Variants in SUGCT observed in about 807,000 individuals in gnomAD.
The protein encoded by SUGCT is succinyl-CoA:glutarate-CoA transferase, also known as succinyl-CoA:glutarate CoA-transferase.
Under a neutral mutation model 55.0 loss-of-function variants are expected in SUGCT, and 41 were observed. The ratio of observed to expected loss-of-function variants is 0.74; its 90% CI spans 0.58 to 0.97. SUGCT has a LOEUF of 0.97. SUGCT is among the 50% of genes least tolerant of loss of function. The probability of loss-of-function intolerance (pLI) is 0.00; values close to 1 mark genes in which losing one functional copy is unlikely to be tolerated. For missense variants in SUGCT, 568 were observed against 547.8 expected (o/e 1.04, Z -0.37); for synonymous variants, 187 against 200.4 (o/e 0.93, Z 0.56).
At chr7:41,009,285 A>T in the SUGCT span, among the ~76,000 whole-genome samples, 1 of 152,044 alleles carries the variant, frequency 6.6e-6, no homozygotes, top group Non-Finnish European at 1.5e-5. Flanking sequence ...ACAGTCTATG[A>T]ATCTATGTTA....
the SUGCT span, among the ~76,000 whole-genome samples, chr7:40,895,683 G>T: frequency 6.6e-6 from 1 of 151,850 alleles, no homozygotes; most frequent in African/African-American, 2.4e-5. Flanking sequence ...AGACATAAAA[G>T]AAAATCGAAA....
chr7:40,751,991 T>A (rs537850793), intron 13 of SUGCT, among the ~76,000 whole-genome samples: 1 of 152,358 alleles, frequency 6.6e-6, no homozygotes, highest in East Asian at 1.9e-4. Context: ...ATATTTCTTT[T>A]GCCCACTTTA....
rs557494112 is a variant in SUGCT, at chr7:40,431,786, C to T, written c.817-17501C>T. On this transcript the variant is annotated intron_variant, in intron 9 of 13. Coordinates refer to ENST00000335693, the MANE Select transcript of SUGCT (RefSeq NM_001193313.2). ...TATTTAGATATTTTATTTTTTATGC[C>T]GTCATAAATGGGATTTTTAAAAATG... Among the ~76,000 whole-genome samples, 6 of 151,854 alleles carry T rather than the reference C, an allele frequency of 4.0e-5. No individual in the cohort carries two copies. In the East Asian group the frequency reaches 5.8e-4, roughly 15 times the overall value.
intron 12 of SUGCT, among the ~76,000 whole-genome samples, chr7:40,626,832 T>C (rs1265711032): frequency 6.6e-6 from 1 of 152,146 alleles, no homozygotes; most frequent in African/African-American, 2.4e-5. Flanking sequence ...TCTAGCTCAG[T>C]GCTTGGCACA....
intron 13 of SUGCT, among the ~76,000 whole-genome samples, chr7:40,764,990 A>G (rs111363565): frequency 0.014 from 2,134 of 152,270 alleles, 44 homozygotes; most frequent in African/African-American, 0.048. Flanking sequence ...AGAATGGTAT[A>G]GTGGGGTTTC....
chr7:40,520,166 C>T (rs1386727680), intron 12 of SUGCT, among the ~76,000 whole-genome samples: 1 of 152,160 alleles, frequency 6.6e-6, no homozygotes, highest in Non-Finnish European at 1.5e-5. Context: ...CATACTAATA[C>T]CAAGTTTCTT....
intron 12 of SUGCT, among the ~76,000 whole-genome samples, chr7:40,716,367 A>T (rs1347974633): frequency 6.6e-6 from 1 of 152,224 alleles, no homozygotes; most frequent in Non-Finnish European, 1.5e-5. Context: ...CAAATGGCTG[A>T]TTGATGTTTA....
chr7:40,733,408 C>A (rs1786997448), intron 12 of SUGCT, among the ~76,000 whole-genome samples: 1 of 152,180 alleles, frequency 6.6e-6, no homozygotes, highest in African/African-American at 2.4e-5. Flanking sequence ...AATCTCCTGG[C>A]CTAGAGCAAA....
chr7:40,398,773 G>A (rs1785897182), intron 9 of SUGCT, among the ~76,000 whole-genome samples: 1 of 152,046 alleles, frequency 6.6e-6, no homozygotes, highest in Non-Finnish European at 1.5e-5. Context: ...TATTTAGCAT[G>A]ATTTTGGAGA....
chr7:40,163,382 G>C lies in SUGCT; in HGVS notation c.101-17565G>C, dbSNP rs375953522. Among the ~76,000 whole-genome samples, 63 of 152,270 alleles carry C rather than the reference G, an allele frequency of 4.1e-4. No individual in the cohort carries two copies. The South Asian group carries it at 9.3e-3, about 23-fold the overall frequency. Reference sequence around the variant, plus strand: ...GCACTTTGGGAGGTCGAGGTGGGCAGATTACAAGGTCAGGAGATCAAGACC... The same window carrying C: ...GCACTTTGGGAGGTCGAGGTGGGCACATTACAAGGTCAGGAGATCAAGACC... On this transcript the variant is annotated intron_variant, in intron 1 of 13. Coordinates refer to ENST00000335693, the MANE Select transcript of SUGCT (RefSeq NM_001193313.2).
intron 13 of SUGCT, among the ~76,000 whole-genome samples, chr7:40,775,947 C>G (rs939886056): frequency 2.6e-5 from 4 of 152,144 alleles, no homozygotes; most frequent in Non-Finnish European, 5.9e-5. Flanking sequence ...TCTAAAGAAT[C>G]TATTCTGTTA....
chr7:40,207,643 C>T (rs909615211), intron 6 of SUGCT, among the ~76,000 whole-genome samples: 1 of 152,016 alleles, frequency 6.6e-6, no homozygotes, highest in Non-Finnish European at 1.5e-5. Context: ...ATGGTGAAAT[C>T]CTGTCTCTAC....
At chr7:40,767,906 A>G (rs996325225) in intron 13 of SUGCT, among the ~76,000 whole-genome samples, 5 of 151,168 alleles carry the variant, frequency 3.3e-5, no homozygotes, top group Non-Finnish European at 5.9e-5. Context: ...AGTTACCAGA[A>G]TAGTTTTAAG....
chr7:40,174,965 TA>T (rs1584256335), intron 1 of SUGCT, among the ~76,000 whole-genome samples: 2 of 152,250 alleles, frequency 1.3e-5, no homozygotes, highest in Non-Finnish European at 2.9e-5. Context: ...AAAAAAATTT[TA>T]TTGTGATAAT....
chr7:40,992,341 G>C, the SUGCT span, among the ~76,000 whole-genome samples: 1 of 152,148 alleles, frequency 6.6e-6, no homozygotes, highest in Non-Finnish European at 1.5e-5. Context: ...AGGACAACCA[G>C]AGGTCACTTT....
the SUGCT span, among the ~76,000 whole-genome samples, chr7:41,019,917 A>T: frequency 6.6e-6 from 1 of 152,214 alleles, no homozygotes; most frequent in Non-Finnish European, 1.5e-5. Context: ...TTTGGATATG[A>T]GGTACCTCCC....
At chr7:40,818,462 T>C (rs1584484447) in intron 13 of SUGCT, among the ~76,000 whole-genome samples, 1 of 152,334 alleles carries the variant, frequency 6.6e-6, no homozygotes, top group South Asian at 2.1e-4. Flanking sequence ...ACCCAGAACA[T>C]GACTACTTCT....
At chr7:40,321,421 T>C (rs1795740347) in intron 9 of SUGCT, among the ~76,000 whole-genome samples, 1 of 148,488 alleles carries the variant, frequency 6.7e-6, no homozygotes, top group African/African-American at 2.5e-5. Flanking sequence ...CTTGCTCTGT[T>C]GCCGAGGCTG....
the SUGCT span, among the ~76,000 whole-genome samples, chr7:40,870,404 G>T: frequency 6.6e-6 from 1 of 151,868 alleles, no homozygotes; most frequent in Non-Finnish European, 1.5e-5. Flanking sequence ...GATCTTCTGT[G>T]TGCCATCAAA....
Sources: allele counts gnomAD v4.1 joint callset (sites outside exome capture counted in the v4.1 genomes callset), GRCh38; gene constraint gnomAD v4.1.1; transcripts MANE v1.5; gene names NCBI Gene and HGNC (gene_info 2026-07-23, HGNC 2026-07-21).